DPP6: variants seen among roughly 807,000 people sequenced by gnomAD.
DPP6 encodes the protein dipeptidyl peptidase like 6.
DPP6 carries 69 observed loss-of-function variants against 122.6 expected under a neutral mutation model. The ratio of observed to expected loss-of-function variants is 0.56; its 90% CI spans 0.46 to 0.69. DPP6 has a LOEUF of 0.69. Among genes scored for constraint, DPP6 ranks in the 30% least tolerant of loss-of-function variants. The pLI, the probability that DPP6 is intolerant of heterozygous loss-of-function variation, is 0.00. For missense variants in DPP6, 928 were observed against 1,116.9 expected (o/e 0.83, Z 2.41); for synonymous variants, 418 against 433.1 (o/e 0.97, Z 0.43).
At chr7:154,670,355 A>G (rs542797695) in intron 7 of DPP6, among the ~76,000 whole-genome samples, 399 of 152,294 alleles carry the variant, frequency 2.6e-3, no homozygotes, top group African/African-American at 9.2e-3. Flanking sequence ...AAAGGCCCTG[A>G]ACACTATTTC....
rs369604897 is a variant in DPP6 at position 154,219,922 on chromosome 7, C to A, written c.243+166859C>A. On this transcript the variant is annotated intron_variant, in intron 1 of 25. Transcript: ENST00000377770. The stretch of plus-strand genomic sequence containing the variant: ...CTTTATTAAGCAAAGGCTGCCAAAC[C>A]ATTTCATTTGTGATTCTGTGATTCT... Among the ~76,000 whole-genome samples, 318 of 152,308 alleles carry A rather than the reference C, an allele frequency of 2.1e-3. 2 individuals carry two copies. Among genetic ancestry groups the A allele is most frequent in the African/African-American group, 7.3e-3 (302 of 41,562 alleles).
In DPP6 at chr7:154,575,442, G is replaced by GATA. The variant is rs1586663103; in HGVS notation, c.627+8526_627+8527insATA. 1.3e-3 allele frequency among the ~76,000 whole-genome samples: 136 copies of GATA among 104,738 alleles called. 1 individual carries two copies. Among genetic ancestry groups the GATA allele is most frequent in the Admixed American group, 2.8e-3 (28 of 9,836 alleles). 68.7% of individuals were successfully genotyped at this position (104,738 alleles called of 152,430 possible). A position where few individuals can be genotyped will look rare whatever the true frequency, so the allele number is the denominator to read the frequency against. ...TGTGTGTGTGGTGTGTATGTGTGTG[G>GATA]TGTGTGTATGTGTGTGNGCGGGTGT... On this transcript the variant is annotated intron_variant, in intron 5 of 25. Coordinates refer to ENST00000377770, the MANE Select transcript of DPP6 (RefSeq NM_130797.4).
intron 1 of DPP6, among the ~76,000 whole-genome samples, chr7:154,085,683 T>C (rs934817356): frequency 2.0e-5 from 3 of 152,132 alleles, no homozygotes; most frequent in Non-Finnish European, 4.4e-5. Flanking sequence ...TGGCTTTCTA[T>C]TGCAACTTTA....
intron 1 of DPP6, among the ~76,000 whole-genome samples, chr7:154,410,218 C>A (rs542542978): frequency 7.6e-4 from 116 of 152,270 alleles, no homozygotes; most frequent in Middle Eastern, 6.8e-3. Flanking sequence ...AACATCGTGT[C>A]TTAGGGATGA....
chr7:154,734,109 C>T (rs978682578), intron 8 of DPP6, among the ~76,000 whole-genome samples: 2 of 152,216 alleles, frequency 1.3e-5, no homozygotes, highest in Admixed American at 1.3e-4. Context: ...ATCTTTTTAT[C>T]TAAGAAAGCA....
chr7:153,887,680 C>T, exon 1 of DPP6: 1 of 1,613,724 alleles, frequency 6.2e-7, no homozygotes, highest in Non-Finnish European at 8.5e-7. Flanking sequence ...GGACTTGGGG[C>T]AAAATGAAGG....
At chr7:154,368,824 C>A (rs1227673344) in intron 1 of DPP6, among the ~76,000 whole-genome samples, 3 of 152,168 alleles carry the variant, frequency 2.0e-5, no homozygotes, top group Admixed American at 6.5e-5. Context: ...AATTGAAAAT[C>A]AGATTTGCTT....
At chr7:154,125,814 C>A (rs1269569717) in intron 1 of DPP6, among the ~76,000 whole-genome samples, 1 of 152,158 alleles carries the variant, frequency 6.6e-6, no homozygotes, top group African/African-American at 2.4e-5. Context: ...ACAAACAGAT[C>A]ATCTTCTGGC....
intron 1 of DPP6, among the ~76,000 whole-genome samples, chr7:154,246,094 G>A (rs1801966568): frequency 6.6e-6 from 1 of 152,018 alleles, no homozygotes; most frequent in South Asian, 2.1e-4. Flanking sequence ...AAAACAATAA[G>A]ATATTTAGAA....
At chr7:154,666,189 A>G (rs1838141185) in intron 6 of DPP6, among the ~76,000 whole-genome samples, 1 of 90,268 alleles carries the variant, frequency 1.1e-5, no homozygotes, top group African/African-American at 3.9e-5. Context: ...GTGTGTATAT[A>G]TATATATATA....
At chr7:154,267,555 A>T (rs1293138250) in intron 1 of DPP6, among the ~76,000 whole-genome samples, 1 of 151,180 alleles carries the variant, frequency 6.6e-6, no homozygotes, top group Non-Finnish European at 1.5e-5. Context: ...TTATAAACAC[A>T]TATACACACA....
At chr7:154,625,317 A>G (rs1393010416) in intron 5 of DPP6, among the ~76,000 whole-genome samples, 1 of 146,594 alleles carries the variant, frequency 6.8e-6, no homozygotes, top group Non-Finnish European at 1.5e-5. Context: ...ACACACAGAC[A>G]CTTTTTTTTT....
chr7:153,969,929 T>G (rs920680171), intron 1 of DPP6, among the ~76,000 whole-genome samples: 1 of 152,024 alleles, frequency 6.6e-6, no homozygotes, highest in Non-Finnish European at 1.5e-5. Context: ...AATGGAATCA[T>G]GGAGTACCTA....
intron 1 of DPP6, among the ~76,000 whole-genome samples, chr7:154,417,380 G>A (rs17174407): frequency 0.046 from 6,945 of 152,300 alleles, 264 homozygotes; most frequent in East Asian, 0.15. Context: ...AAGCACTGGA[G>A]GTATTTAAAT....
chr7:154,730,730 C>T (rs1842298303), intron 8 of DPP6, among the ~76,000 whole-genome samples: 1 of 152,168 alleles, frequency 6.6e-6, no homozygotes, highest in South Asian at 2.1e-4. Flanking sequence ...GGTGTGTCCC[C>T]CGTCCCTAAG....
At chr7:153,812,211 C>T in the DPP6 span, among the ~76,000 whole-genome samples, 1 of 152,102 alleles carries the variant, frequency 6.6e-6, no homozygotes, top group Non-Finnish European at 1.5e-5. Context: ...GACCCTCTCT[C>T]GTGCATTTCC....
intron 7 of DPP6, among the ~76,000 whole-genome samples, chr7:154,726,653 C>T (rs1316759978): frequency 6.6e-6 from 1 of 152,176 alleles, no homozygotes; most frequent in Non-Finnish European, 1.5e-5. Flanking sequence ...AGGCGTTTTC[C>T]TTATTGTCTT....
chr7:153,940,847 A>T (rs546576736), intron 1 of DPP6, among the ~76,000 whole-genome samples: 1 of 152,154 alleles, frequency 6.6e-6, no homozygotes, highest in African/African-American at 2.4e-5. Flanking sequence ...CGCCAAGCAT[A>T]TGCGCAGCTT....
chr7:154,769,239 G>T (rs983321211), intron 8 of DPP6, among the ~76,000 whole-genome samples, 178 bp from the exon 9 acceptor site: 1 of 152,108 alleles, frequency 6.6e-6, no homozygotes, highest in Non-Finnish European at 1.5e-5. Context: ...GACATTTCTT[G>T]AGCCCCCATG....
Sources: allele counts gnomAD v4.1 joint callset (sites outside exome capture counted in the v4.1 genomes callset), GRCh38; gene constraint gnomAD v4.1.1; transcripts MANE v1.5; gene names NCBI Gene and HGNC (gene_info 2026-07-23, HGNC 2026-07-21).